The following CACNG4 variants were observed in gnomAD, a reference collection of about 807,000 sequenced individuals.
CACNG4 encodes voltage-dependent calcium channel gamma-4 subunit.
Under a neutral mutation model 22.9 loss-of-function variants are expected in CACNG4, and 8 were observed. The ratio of observed to expected loss-of-function variants is 0.35; its 90% CI spans 0.21 to 0.63. The LOEUF (loss-of-function observed/expected upper bound fraction) is 0.63. Ranked by LOEUF, CACNG4 falls within the 30% of genes least tolerant of loss-of-function variation. The pLI is 0.72. For synonymous variants in CACNG4, 188 were observed against 191.9 expected (o/e 0.98, Z 0.17); for missense variants, 357 against 455.4 (o/e 0.78, Z 1.97).
At chr17:66,979,914 C>A (rs1436979046) in intron 1 of CACNG4, among the ~76,000 whole-genome samples, 1 of 152,036 alleles carries the variant, frequency 6.6e-6, no homozygotes, top group Non-Finnish European at 1.5e-5. Context: ...TGCCACCATG[C>A]CCAGCTAATT....
intron 2 of CACNG4, among the ~76,000 whole-genome samples, chr17:67,022,076 CT>C (rs58541858): frequency 2.0e-3 from 280 of 136,956 alleles, no homozygotes; most frequent in Middle Eastern, 3.8e-3. Flanking sequence ...AGCAACTGGG[CT>C]TTTTTTTTTT....
At chr17:66,974,394 G>C (rs2035223313) in intron 1 of CACNG4, among the ~76,000 whole-genome samples, 1 of 152,202 alleles carries the variant, frequency 6.6e-6, no homozygotes, top group Admixed American at 6.5e-5. Context: ...AATGGACTCT[G>C]TTGAAAAGGC....
intron 1 of CACNG4, among the ~76,000 whole-genome samples, chr17:66,981,937 A>T (rs575415415): frequency 1.5e-4 from 22 of 151,166 alleles, no homozygotes; most frequent in East Asian, 3.9e-4. Flanking sequence ...TAACTCTTAT[A>T]AAAAAAAATT....
chr17:67,001,288 T>C (rs964306575), intron 1 of CACNG4, among the ~76,000 whole-genome samples: 12 of 152,098 alleles, frequency 7.9e-5, no homozygotes, highest in African/African-American at 2.9e-4. Flanking sequence ...GGTATGCCTT[T>C]ATTAGCAGCA....
chr17:67,030,220 G>C lies in CACNG4; in HGVS notation c.446-246G>C, dbSNP rs1002265159. ...GAAGGACATACGAAAGAAGACAACAGTAGTTGCCTTAAAGAGGGGAACTGG... is the reference window on the plus strand; with the variant it reads ...GAAGGACATACGAAAGAAGACAACACTAGTTGCCTTAAAGAGGGGAACTGG... On this transcript the variant is annotated intron_variant, in intron 3 of 3. Transcript: ENST00000262138. The surrounding 1 kb of genome is among the most constrained non-coding windows in gnomAD (Gnocchi z 6.4). Among the ~76,000 whole-genome samples the C allele has an allele frequency of 6.6e-6, 1 of 152,144 alleles. No individual in the cohort carries two copies. Among genetic ancestry groups the C allele is most frequent in the Non-Finnish European group, 1.5e-5 (1 of 68,024 alleles).
At chr17:66,970,225 T>C (rs1330757993) in intron 1 of CACNG4, among the ~76,000 whole-genome samples, 2 of 152,170 alleles carry the variant, frequency 1.3e-5, no homozygotes, top group Non-Finnish European at 2.9e-5. Context: ...AGGTGGAACA[T>C]AGGAGCTCTT....
Position 67,000,648 on chromosome 17 carries a change from C to A in CACNG4, c.221-17541C>A, listed in dbSNP as rs144933594. ...CAAGTGAGGGCCAGTGGCCAAGGTC[C>A]CTAGGCCCTGAGTGAAGTAGTGCAG... On this transcript the variant is annotated intron_variant, in intron 1 of 3. Transcript: ENST00000262138. Among the ~76,000 whole-genome samples, 451 of 152,282 alleles carry A rather than the reference C, an allele frequency of 3.0e-3. 5 individuals are homozygous for A. Among genetic ancestry groups the A allele is most frequent in the African/African-American group, 9.6e-3 (400 of 41,574 alleles).
At chr17:67,008,980 G>T (rs2035452865) in intron 1 of CACNG4, among the ~76,000 whole-genome samples, 1 of 152,110 alleles carries the variant, frequency 6.6e-6, no homozygotes, top group Non-Finnish European at 1.5e-5. Flanking sequence ...TTAGAGTGGG[G>T]CCTAATCCAG....
chr17:67,018,273 G>A lies in CACNG4; in HGVS notation c.304+1G>A, dbSNP rs774987460. On this transcript the variant is annotated splice_donor_variant, in intron 2 of 3. Coordinates refer to ENST00000262138, the MANE Select transcript of CACNG4 (RefSeq NM_014405.4). LOFTEE classifies it high-confidence loss of function. ...CACGACAGCTCGGAGTACCTCCTCC[G>A]TGAGTGTCAGGAGGCCTGGACTCTC... The A allele has an allele frequency of 3.7e-6, 6 of 1,611,588 alleles. No individual in the cohort carries two copies. Among genetic ancestry groups the A allele is most frequent in the South Asian group, 2.2e-5 (2 of 91,052 alleles).
chr17:66,995,825 G>C (rs752263005), intron 1 of CACNG4, among the ~76,000 whole-genome samples: 2 of 151,730 alleles, frequency 1.3e-5, no homozygotes, highest in Non-Finnish European at 2.9e-5. Flanking sequence ...ACTCCGGCCT[G>C]GGTGACAGAG....
chr17:67,026,145 GTGTGTGTGAGGAGTGTGGTGTGTT>G (rs1401575275), intron 3 of CACNG4, among the ~76,000 whole-genome samples: 4 of 151,160 alleles, frequency 2.6e-5, no homozygotes, highest in East Asian at 1.9e-4. Context: ...TGGTGTGTTT[GTGTGTGTGAGGAGTGTGGTGTGTT>G]TGTGTGTGAG....
chr17:66,983,241 C>A (rs1469179978), intron 1 of CACNG4, among the ~76,000 whole-genome samples: 2 of 152,240 alleles, frequency 1.3e-5, no homozygotes, highest in Non-Finnish European at 2.9e-5. Flanking sequence ...TGTGACACCC[C>A]CCAGCACCTG....
intron 1 of CACNG4, among the ~76,000 whole-genome samples, chr17:66,966,596 C>T (rs2035172553): frequency 6.6e-6 from 1 of 152,194 alleles, no homozygotes. Context: ...GTGAAGTCAA[C>T]TTGGCCCCCT....
chr17:66,981,630 G>T (rs1008794564), intron 1 of CACNG4, among the ~76,000 whole-genome samples: 3 of 152,150 alleles, frequency 2.0e-5, no homozygotes, highest in African/African-American at 7.2e-5. Context: ...CTCTTGAGCC[G>T]CCCGTGAGTA....
chr17:66,993,171 G>T (rs375201414), intron 1 of CACNG4, among the ~76,000 whole-genome samples: 18 of 152,248 alleles, frequency 1.2e-4, no homozygotes, highest in Admixed American at 5.9e-4. Flanking sequence ...GGCTCGTGTG[G>T]GCCTGAGGCC....
At position 67,030,861 on chromosome 17, in the gene CACNG4, A is replaced by C. The variant is rs1309161277; in HGVS notation, c.841A>C (p.Arg281=). 1.5e-5 allele frequency: 24 copies of C among 1,613,178 alleles called. No individual in the cohort carries two copies. Among genetic ancestry groups the C allele is most frequent in the Non-Finnish European group, 4.2e-6 (5 of 1,180,010 alleles). The stretch of plus-strand genomic sequence containing the variant: ...GGAGCTGTCCATGTACACGCTGTCC[A>C]GGGAGCCCCTCAAGGTGACCACCGC... ...MGELSMYTLS[R]EPLKVTTAAS... is the part of the protein sequence containing the mutation. Residue 281 remains arginine (R), a synonymous_variant, in exon 4 of 4, where the codon AGG becomes CGG. Transcript: ENST00000262138. The surrounding 1 kb of genome is among the most constrained non-coding windows in gnomAD (Gnocchi z 6.4).
chr17:67,031,125 G>T lies in CACNG4; in HGVS notation c.*121G>T. The T allele has an allele frequency of 2.7e-6, 3 of 1,121,872 alleles. No individual in the cohort carries two copies. In the South Asian group the frequency reaches 4.5e-5, roughly 17 times the overall value. The allele number at this position is 1,121,872 out of a possible 1,614,324, so 69.5% of individuals were successfully genotyped here. On this transcript the variant is annotated 3_prime_UTR_variant, in exon 4 of 4. Coordinates refer to ENST00000262138, the MANE Select transcript of CACNG4 (RefSeq NM_014405.4). This position sits in a 1 kb window ranked among gnomAD's most constrained non-coding sequence, Gnocchi z 4.0. ...CTAAAGCCAAATGCAGCCCTCCCTGGCCTCCAGAGGTGGCGTGGGCTGGCT... is the reference window on the plus strand; with the variant it reads ...CTAAAGCCAAATGCAGCCCTCCCTGTCCTCCAGAGGTGGCGTGGGCTGGCT...
chr17:67,032,149 G>A lies in CACNG4; in HGVS notation c.*1145G>A, dbSNP rs1465627787. 2.6e-6 allele frequency: 1 copy of A among 378,454 alleles called. No homozygotes were observed. Among genetic ancestry groups the A allele is most frequent in the Middle Eastern group, 3.8e-4 (1 of 2,662 alleles). The allele number at this position is 378,454 out of a possible 1,614,324, so 23.4% of individuals were successfully genotyped here. A position where few individuals can be genotyped will look rare whatever the true frequency, so the allele number is the denominator to read the frequency against. ...TTATTCTGCCACCACCTAACAGGAC[G>A]GAGTGGAGTGAGTTTGGATAAACGG... On this transcript the variant is annotated 3_prime_UTR_variant, in exon 4 of 4. Coordinates refer to ENST00000262138, the MANE Select transcript of CACNG4 (RefSeq NM_014405.4).
intron 1 of CACNG4, among the ~76,000 whole-genome samples, chr17:67,012,860 C>A (rs1039723749): frequency 6.6e-6 from 1 of 152,242 alleles, no homozygotes; most frequent in African/African-American, 2.4e-5. Context: ...GGTGACCATA[C>A]ACCCTCAGTA....
Sources: gnomAD v4.1 joint callset for allele counts (sites outside exome capture counted in the v4.1 genomes callset) on GRCh38, gnomAD v4.1.1 for gene constraint, Gnocchi (gnomAD v3.1) non-coding constraint, MANE v1.5 for transcripts, NCBI Gene and HGNC (gene_info 2026-07-23, HGNC 2026-07-21) for gene names.